The following RTN1 variants were observed in gnomAD, a reference collection of about 807,000 sequenced individuals.
The protein encoded by RTN1 is reticulon 1.
RTN1 carries 25 observed loss-of-function variants against 65.5 expected under a neutral mutation model. The observed-to-expected ratio is 0.38, with a 90% CI of 0.28 to 0.53. The LOEUF (loss-of-function observed/expected upper bound fraction) is 0.53. Among genes scored for constraint, RTN1 ranks in the 20% least tolerant of loss-of-function variants. RTN1 has a pLI of 0.79. For synonymous variants in RTN1, 471 were observed against 447.6 expected, an observed-to-expected ratio of 1.05 and a Z score of -0.66; for missense variants, 983 against 1,025.4, an observed-to-expected ratio of 0.96 and a Z score of 0.57.
rs192308459 is a variant in RTN1, at chr14:59,723,474, C to T, written c.1765+3445G>A. ...AAAAAAATACAAAAAATTAGCCGGGCGTGGTGGTGGTGGGCGCCTGTAGTC... is the reference window on the plus strand; with the variant it reads ...AAAAAAATACAAAAAATTAGCCGGGTGTGGTGGTGGTGGGCGCCTGTAGTC... On this transcript the variant is annotated intron_variant, in intron 3 of 8. Coordinates refer to ENST00000267484, the MANE Select transcript of RTN1 (RefSeq NM_021136.3). Among the ~76,000 whole-genome samples, 388 of 151,310 alleles carry T rather than the reference C, an allele frequency of 2.6e-3. 5 individuals are homozygous for T. In the East Asian group the frequency reaches 0.036, roughly 14 times the overall value.
intron 3 of RTN1, among the ~76,000 whole-genome samples, chr14:59,717,941 T>C (rs1178779783): frequency 3.3e-5 from 5 of 152,240 alleles, no homozygotes; most frequent in Non-Finnish European, 5.9e-5. Context: ...AGCTACTTAA[T>C]GAAGCAGATG....
At position 59,713,614 on chromosome 14, in the gene RTN1, C is replaced by T. The variant is rs552725535; in HGVS notation, c.1765+13305G>A. On this transcript the variant is annotated intron_variant, in intron 3 of 8. Coordinates refer to ENST00000267484, the MANE Select transcript of RTN1 (RefSeq NM_021136.3). The stretch of plus-strand genomic sequence containing the variant: ...TGTCTTACCCTCAGGCAGCTCACTG[C>T]TTCGCCCAATTCAGAGAGAATCAGT... Among the ~76,000 whole-genome samples the T allele has an allele frequency of 2.0e-5, 3 of 152,304 alleles. No individual in the cohort carries two copies. In the East Asian group the frequency reaches 5.8e-4, roughly 29 times the overall value.
intron 3 of RTN1, among the ~76,000 whole-genome samples, chr14:59,676,585 G>A (rs1032730106): frequency 5.9e-5 from 9 of 152,148 alleles, no homozygotes; most frequent in Admixed American, 3.3e-4. Context: ...CAAAAACATA[G>A]TATGTATTGA....
At chr14:59,698,952 G>C (rs1884120437) in intron 3 of RTN1, among the ~76,000 whole-genome samples, 1 of 152,144 alleles carries the variant, frequency 6.6e-6, no homozygotes, top group South Asian at 2.1e-4. Flanking sequence ...TGGAGTTGCT[G>C]AGTCATATTT....
intron 3 of RTN1, among the ~76,000 whole-genome samples, chr14:59,698,662 T>G (rs1409148635): frequency 6.6e-6 from 1 of 152,212 alleles, no homozygotes; most frequent in African/African-American, 2.4e-5. Context: ...TCTGCCATGA[T>G]TGTGAGGTTT....
chr14:59,858,944 T>C (rs573646094), intron 1 of RTN1, among the ~76,000 whole-genome samples: 38 of 152,346 alleles, frequency 2.5e-4, no homozygotes, highest in African/African-American at 8.2e-4. Context: ...TTTATGTTAA[T>C]AATCCAAAAC....
intron 8 of RTN1, 65 bp from the exon 9 acceptor site, chr14:59,596,852 G>T: frequency 2.3e-6 from 3 of 1,301,694 alleles, no homozygotes; most frequent in Non-Finnish European, 3.3e-6. Context: ...TTTATGTGTT[G>T]TTGCTTTAAT....
intron 1 of RTN1, among the ~76,000 whole-genome samples, chr14:59,768,943 G>C (rs1051428400): frequency 8.5e-5 from 13 of 152,112 alleles, no homozygotes; most frequent in Non-Finnish European, 1.9e-4. Context: ...TACTTTTCTA[G>C]GTGACCAATC....
intron 1 of RTN1, among the ~76,000 whole-genome samples, chr14:59,859,385 C>T (rs1887665721): frequency 6.6e-6 from 1 of 152,208 alleles, no homozygotes; most frequent in Non-Finnish European, 1.5e-5. Flanking sequence ...ACTTGCTCCT[C>T]CTTGCTTTCC....
At position 59,849,042 on chromosome 14, in the gene RTN1, A is replaced by C. The variant is rs12897163; in HGVS notation, c.241+21348T>G. On this transcript the variant is annotated intron_variant, in intron 1 of 8. Transcript: ENST00000267484. This position sits in a 1 kb window ranked among gnomAD's most constrained non-coding sequence, Gnocchi z 4.5. ...CCCCAATATCTCATCCCCCTCATCA[A>C]CTTAGCAGGAAGTTGCTGGAAGACT... Among the ~76,000 whole-genome samples, 33,651 of 152,036 alleles carry C rather than the reference A, an allele frequency of 0.22. 4,194 individuals are homozygous for C. The highest frequency in any genetic ancestry group is 0.56 in the East Asian group (2,881 of 5,164).
intron 1 of RTN1, among the ~76,000 whole-genome samples, chr14:59,784,977 G>A (rs997580258): frequency 2.1e-4 from 32 of 152,138 alleles, no homozygotes; most frequent in Non-Finnish European, 4.7e-4. Flanking sequence ...CTTCTTGATA[G>A]CTTTGTATCT....
intron 1 of RTN1, among the ~76,000 whole-genome samples, chr14:59,758,788 A>C (rs1885691343): frequency 6.6e-6 from 1 of 152,194 alleles, no homozygotes; most frequent in African/African-American, 2.4e-5. Context: ...TATTACCTCC[A>C]TGTTGCCATC....
intron 2 of RTN1, among the ~76,000 whole-genome samples, chr14:59,734,433 T>G (rs1884964298): frequency 6.6e-6 from 1 of 151,968 alleles, no homozygotes. Flanking sequence ...AATAAACAAT[T>G]TTACTGAACT....
Position 59,825,138 on chromosome 14 carries a change from T to C in RTN1, c.241+45252A>G, listed in dbSNP as rs1887007901. ...TAACTTGTTCTAGAGAGCTGTCCTG[T>C]GCATTGTAGAATCTTTACCAACATC... On this transcript the variant is annotated intron_variant, in intron 1 of 8. Coordinates refer to ENST00000267484, the MANE Select transcript of RTN1 (RefSeq NM_021136.3). This position sits in a 1 kb window ranked among gnomAD's most constrained non-coding sequence, Gnocchi z 4.2. 6.6e-6 allele frequency among the ~76,000 whole-genome samples: 1 copy of C among 152,254 alleles called. No homozygotes were observed. Among genetic ancestry groups the C allele is most frequent in the Non-Finnish European group, 1.5e-5 (1 of 68,046 alleles).
intron 3 of RTN1, among the ~76,000 whole-genome samples, chr14:59,639,708 G>A (rs997743772): frequency 1.3e-5 from 2 of 152,072 alleles, no homozygotes; most frequent in African/African-American, 2.4e-5. Context: ...AGTGTCCTTT[G>A]TTTCCCAGTT....
intron 3 of RTN1, among the ~76,000 whole-genome samples, chr14:59,653,724 A>G (rs971402639): frequency 6.6e-6 from 1 of 152,066 alleles, no homozygotes; most frequent in Non-Finnish European, 1.5e-5. Context: ...CCCCTAATAT[A>G]CATACTCCCA....
intron 1 of RTN1, among the ~76,000 whole-genome samples, chr14:59,826,832 T>C (rs539527975): frequency 1.3e-5 from 2 of 152,014 alleles, no homozygotes; most frequent in Non-Finnish European, 2.9e-5. Flanking sequence ...CATTCTAGTG[T>C]AGGGAAGACA....
At chr14:59,689,524 A>G (rs552374384) in intron 3 of RTN1, among the ~76,000 whole-genome samples, 1 of 152,330 alleles carries the variant, frequency 6.6e-6, no homozygotes, top group South Asian at 2.1e-4. Flanking sequence ...GTCAAAGGTC[A>G]ACACTAAAGA....
intron 1 of RTN1, among the ~76,000 whole-genome samples, chr14:59,764,530 C>T (rs1354664235): frequency 6.6e-6 from 1 of 152,084 alleles, no homozygotes; most frequent in Non-Finnish European, 1.5e-5. Flanking sequence ...CTATGTTGGC[C>T]AGGGTGGTCT....
Sources: gnomAD v4.1 joint callset for allele counts (sites outside exome capture counted in the v4.1 genomes callset) on GRCh38, gnomAD v4.1.1 for gene constraint, Gnocchi (gnomAD v3.1) non-coding constraint, MANE v1.5 for transcripts, NCBI Gene and HGNC (gene_info 2026-07-23, HGNC 2026-07-21) for gene names.